Variants in NAALADL2 observed in about 807,000 individuals in gnomAD.
NAALADL2 encodes inactive N-acetylated-alpha-linked acidic dipeptidase-like protein 2.
A neutral mutation model predicts 87.2 loss-of-function variants in NAALADL2; 76 were observed. That is an observed-to-expected ratio of 0.87 (90% CI 0.72 to 1.05). The LOEUF is 1.05. Ranked by LOEUF, NAALADL2 falls within the 50% of genes least tolerant of loss-of-function variation. The pLI, the probability that NAALADL2 is intolerant of heterozygous loss-of-function variation, is 0.00. For missense variants in NAALADL2, 1,089 were observed against 945.8 expected, an observed-to-expected ratio of 1.15 and a Z score of -1.99; for synonymous variants, 354 against 331.0, an observed-to-expected ratio of 1.07 and a Z score of -0.75.
At chr3:175,365,859 C>A (rs1437631998) in intron 5 of NAALADL2, among the ~76,000 whole-genome samples, 1 of 146,498 alleles carries the variant, frequency 6.8e-6, no homozygotes, top group Non-Finnish European at 1.5e-5. Context: ...AGCATCTGAA[C>A]TTTATTATCT....
chr3:174,767,663 G>C (rs1714000078), intron 3 of NAALADL2, among the ~76,000 whole-genome samples: 1 of 152,180 alleles, frequency 6.6e-6, no homozygotes, highest in Non-Finnish European at 1.5e-5. Flanking sequence ...GACAGTGCCT[G>C]ATATTGGGAC....
At chr3:174,452,649 C>T (rs1429781774) in intron 1 of NAALADL2, among the ~76,000 whole-genome samples, 6 of 152,048 alleles carry the variant, frequency 3.9e-5, no homozygotes, top group South Asian at 2.1e-4. Context: ...AACACACAGT[C>T]CAGGAATTGA....
chr3:175,398,430 A>G (rs981588755), intron 5 of NAALADL2, among the ~76,000 whole-genome samples: 1 of 149,460 alleles, frequency 6.7e-6, no homozygotes, highest in African/African-American at 2.5e-5. Context: ...TCCTCTGCTA[A>G]TCTGTATCCA....
At chr3:175,071,334 T>G (rs529268868) in intron 1 of NAALADL2, among the ~76,000 whole-genome samples, 1 of 152,132 alleles carries the variant, frequency 6.6e-6, no homozygotes, top group East Asian at 1.9e-4. Flanking sequence ...TTTACACGAA[T>G]TTTTGGAAAC....
chr3:174,528,734 C>T (rs867404376), intron 1 of NAALADL2, among the ~76,000 whole-genome samples: 4 of 152,132 alleles, frequency 2.6e-5, no homozygotes, highest in Admixed American at 6.5e-5. Flanking sequence ...GTGAAAGGCA[C>T]GTCTCACATG....
chr3:175,403,018 C>T (rs368447472), intron 5 of NAALADL2, among the ~76,000 whole-genome samples: 12 of 152,096 alleles, frequency 7.9e-5, no homozygotes, highest in South Asian at 4.1e-4. Context: ...GGAGTTACCG[C>T]GCATGCCAGT....
At chr3:174,974,278 G>T (rs1397533230) in intron 1 of NAALADL2, among the ~76,000 whole-genome samples, 1 of 152,186 alleles carries the variant, frequency 6.6e-6, no homozygotes, top group Non-Finnish European at 1.5e-5. Context: ...CCCTTTAGTG[G>T]TGTGCTGTAA....
intron 4 of NAALADL2, among the ~76,000 whole-genome samples, chr3:175,293,124 T>C (rs1239583411): frequency 1.3e-5 from 2 of 150,712 alleles, no homozygotes; most frequent in Non-Finnish European, 2.9e-5. Flanking sequence ...TTAAGTCTAG[T>C]AGGGGAAGAT....
chr3:174,779,761 G>A (rs1247235955), intron 3 of NAALADL2, among the ~76,000 whole-genome samples: 1 of 151,896 alleles, frequency 6.6e-6, no homozygotes, highest in African/African-American at 2.4e-5. Flanking sequence ...TTTGTCAGGT[G>A]TGTCAAAGAT....
chr3:175,202,019 A>G (rs540778737), intron 2 of NAALADL2, among the ~76,000 whole-genome samples: 3 of 152,144 alleles, frequency 2.0e-5, no homozygotes, highest in African/African-American at 4.8e-5. Context: ...TTCAGTCCAC[A>G]TCACAGCTCT....
At chr3:174,572,321 A>G (rs911598520) in intron 2 of NAALADL2, among the ~76,000 whole-genome samples, 1 of 152,160 alleles carries the variant, frequency 6.6e-6, no homozygotes, top group African/African-American at 2.4e-5. Flanking sequence ...AGGTTGAAAA[A>G]AAATTGATTG....
At chr3:175,394,972 A>G (rs1769579479) in intron 5 of NAALADL2, among the ~76,000 whole-genome samples, 3 of 151,458 alleles carry the variant, frequency 2.0e-5, no homozygotes, top group Admixed American at 2.0e-4. Flanking sequence ...TCACCTTTTT[A>G]TTCAAGAAAA....
At chr3:174,638,547 A>G (rs17331499) in intron 2 of NAALADL2, among the ~76,000 whole-genome samples, 20,367 of 152,136 alleles carry the variant, frequency 0.13, 1,520 homozygotes, top group South Asian at 0.26. Flanking sequence ...AACTAGAAGT[A>G]TAACTATGGC....
At chr3:175,744,924 C>A (rs1745718491) in intron 12 of NAALADL2, among the ~76,000 whole-genome samples, 1 of 151,416 alleles carries the variant, frequency 6.6e-6, no homozygotes, top group Admixed American at 6.6e-5. Context: ...TGACAATTCA[C>A]AGTGATTACT....
At chr3:174,722,921 A>G (rs1467581510) in intron 2 of NAALADL2, among the ~76,000 whole-genome samples, 1 of 152,112 alleles carries the variant, frequency 6.6e-6, no homozygotes, top group African/African-American at 2.4e-5. Flanking sequence ...GACAAACTTG[A>G]CTGGTTTATG....
At chr3:174,880,457 TA>T (rs946070828) in intron 1 of NAALADL2, among the ~76,000 whole-genome samples, 1 of 152,160 alleles carries the variant, frequency 6.6e-6, no homozygotes, top group Non-Finnish European at 1.5e-5. Flanking sequence ...GATTTTGATT[TA>T]TTTTTTTCAC....
intron 1 of NAALADL2, among the ~76,000 whole-genome samples, chr3:174,455,169 G>A (rs1158906363): frequency 6.6e-6 from 1 of 152,010 alleles, no homozygotes; most frequent in Admixed American, 6.6e-5. Context: ...ACCCTCCCAA[G>A]ACTACCAGAA....
rs1431217622 is a variant in NAALADL2 at position 175,718,509 on chromosome 3, C to T, written c.1897-18797C>T. The T allele has an allele frequency of 1.6e-5, 26 of 1,590,082 alleles. No individual in the cohort carries two copies. In the Admixed American group the frequency reaches 4.2e-4, roughly 26 times the overall value. On this transcript the variant is annotated intron_variant, in intron 11 of 13. Transcript: ENST00000454872. ...TTTTCATAAATTGTTCTTGGAGGCCCAATTATCATCCCTGTCCATCTTGTA... is the reference window on the plus strand; with the variant it reads ...TTTTCATAAATTGTTCTTGGAGGCCTAATTATCATCCCTGTCCATCTTGTA...
In NAALADL2 at chr3:175,805,003, T is replaced by C. The variant is rs1277072296; in HGVS notation, c.*1800T>C. ...AGTGTGTATAGGAAAGGTCTAGAAA[T>C]AAATAGGCTTGTGCATACCTAGGCA... On this transcript the variant is annotated 3_prime_UTR_variant, in exon 14 of 14. Coordinates refer to ENST00000454872, the MANE Select transcript of NAALADL2 (RefSeq NM_207015.3). 1 of 151,874 alleles carries C rather than the reference T, an allele frequency of 6.6e-6. No individual in the cohort carries two copies. The highest frequency in any genetic ancestry group is 1.5e-5 in the Non-Finnish European group (1 of 67,884). 9.4% of individuals were successfully genotyped at this position (151,874 alleles called of 1,614,324 possible). A position where few individuals can be genotyped will look rare whatever the true frequency, so the allele number is the denominator to read the frequency against.
Sources: gnomAD v4.1 joint callset for allele counts (sites outside exome capture counted in the v4.1 genomes callset) on GRCh38, gnomAD v4.1.1 for gene constraint, MANE v1.5 for transcripts, NCBI Gene and HGNC (gene_info 2026-07-23, HGNC 2026-07-21) for gene names.